ELF4: variants seen among roughly 807,000 people sequenced by gnomAD.
The protein encoded by ELF4 is E74 like ETS transcription factor 4.
Under a neutral mutation model 31.7 loss-of-function variants are expected in ELF4, and 10 were observed. That is an observed-to-expected ratio of 0.32 (90% CI 0.19 to 0.54). The LOEUF is 0.54. Ranked by LOEUF, ELF4 falls within the 20% of genes least tolerant of loss-of-function variation. The pLI, the probability that ELF4 is intolerant of heterozygous loss-of-function variation, is 0.95. For missense variants in ELF4, 418 were observed against 522.0 expected, an observed-to-expected ratio of 0.80 and a Z score of 1.94; for synonymous variants, 208 against 226.7, an observed-to-expected ratio of 0.92 and a Z score of 0.74.
chrX:130,094,825 G>A (rs1933123178), intron 1 of ELF4, among the ~76,000 whole-genome samples: 1 of 111,729 alleles, frequency 9.0e-6, no homozygotes, highest in Admixed American at 9.5e-5. Flanking sequence ...TACATCTGCA[G>A]CACAAACCCA....
chrX:130,103,384 A>G (rs917075168), intron 1 of ELF4, among the ~76,000 whole-genome samples: 3 of 112,685 alleles, frequency 2.7e-5, no homozygotes, highest in African/African-American at 9.7e-5. Context: ...AGATTTGAAC[A>G]GACACCTCAA....
At chrX:130,095,948 A>T (rs1466496541) in intron 1 of ELF4, among the ~76,000 whole-genome samples, 1 of 111,450 alleles carries the variant, frequency 9.0e-6, no homozygotes, top group Non-Finnish European at 1.9e-5. Context: ...GGGCCAGGGG[A>T]CTAATCACGG....
chrX:130,078,916 G>A (rs1344296698), intron 2 of ELF4, among the ~76,000 whole-genome samples: 2 of 110,163 alleles, frequency 1.8e-5, no homozygotes, highest in Non-Finnish European at 3.8e-5. Context: ...CCATGATTGT[G>A]CCACTGCACT....
At chrX:130,088,028 T>A (rs771791478) in intron 1 of ELF4, among the ~76,000 whole-genome samples, 1 of 110,863 alleles carries the variant, frequency 9.0e-6, no homozygotes, top group Non-Finnish European at 1.9e-5. Flanking sequence ...GAACTTAATA[T>A]GGAAAGCGAC....
chrX:130,072,228 C>T lies in ELF4; in HGVS notation c.530G>A (p.Arg177Lys), dbSNP rs747352505. 54 of 1,199,485 alleles carry T rather than the reference C, an allele frequency of 4.5e-5. 1 individual carries two copies. The East Asian group carries it at 1.5e-3, about 33-fold the overall frequency. The change falls in exon 5 of 9, where the codon AGA becomes AAA. Residue 177 changes from arginine to lysine, a missense_variant and splice_region_variant. By Grantham distance (26) the Arg-to-Lys change is conservative (BLOSUM62 2). This residue lies in a region of ELF4 where 88 missense variants were observed against 92.4 expected (regional missense o/e 0.95). Transcript: ENST00000308167. ...SAKKTGKSKK[R>K]IRKTKGNRST... ...TACACTCACTCTCCCCCACTTACTT[C>T]TCTTCTTTGATTTCCCAGTCTTCTT...
chrX:130,102,954 G>C (rs1165575256), intron 1 of ELF4, among the ~76,000 whole-genome samples: 2 of 46,995 alleles, frequency 4.3e-5, no homozygotes, highest in African/African-American at 1.4e-4. Context: ...AAGGAAGGAA[G>C]GGAGGGAGGA....
chrX:130,093,722 C>G (rs750038047), intron 1 of ELF4, among the ~76,000 whole-genome samples: 1 of 111,896 alleles, frequency 8.9e-6, no homozygotes, highest in Admixed American at 9.5e-5. Context: ...TCGGGGGCCT[C>G]GTGGTGGATG....
intron 8 of ELF4, among the ~76,000 whole-genome samples, chrX:130,068,571 T>A (rs1204215139): frequency 1.8e-5 from 2 of 111,113 alleles, no homozygotes; most frequent in Non-Finnish European, 3.8e-5. Context: ...TAGTGGGAGG[T>A]CCAAACACAT....
intron 1 of ELF4, among the ~76,000 whole-genome samples, chrX:130,106,661 C>A (rs766268815): frequency 8.9e-4 from 100 of 112,025 alleles, no homozygotes; most frequent in African/African-American, 3.1e-3. Context: ...TTTCCTTTCT[C>A]CCCTGCAGAA....
chrX:130,100,632 C>CTAT (rs1933236715), intron 1 of ELF4, among the ~76,000 whole-genome samples: 1 of 111,815 alleles, frequency 8.9e-6, no homozygotes, highest in African/African-American at 3.3e-5. Context: ...TGGTTGTACC[C>CTAT]TCATAATTAC....
intron 1 of ELF4, among the ~76,000 whole-genome samples, chrX:130,086,379 G>T (rs979120872): frequency 8.9e-6 from 1 of 111,813 alleles, no homozygotes; most frequent in African/African-American, 3.3e-5. Context: ...TACAGCCCCC[G>T]CTCTCACACC....
chrX:130,091,775 G>A (rs28437117), intron 1 of ELF4, among the ~76,000 whole-genome samples: 175 of 111,738 alleles, frequency 1.6e-3, no homozygotes, highest in Non-Finnish European at 2.7e-3. Context: ...TGTGTGCCTC[G>A]GTTACCTCAT....
At chrX:130,075,205 G>T (rs1379289390) in intron 2 of ELF4, among the ~76,000 whole-genome samples, 1 of 110,506 alleles carries the variant, frequency 9.0e-6, no homozygotes. Flanking sequence ...CTGACCTCAG[G>T]TGATCCACCT....
chrX:130,106,384 T>G (rs1933380233), intron 1 of ELF4, among the ~76,000 whole-genome samples: 1 of 111,511 alleles, frequency 9.0e-6, no homozygotes, highest in South Asian at 3.7e-4. Context: ...GCGCCTAGCA[T>G]CGGTTGGGCA....
intron 2 of ELF4, among the ~76,000 whole-genome samples, chrX:130,078,014 G>C (rs1305241662): frequency 9.0e-6 from 1 of 110,557 alleles, no homozygotes; most frequent in African/African-American, 3.3e-5. Flanking sequence ...GGGGCTGGGT[G>C]CGGTGCCTCA....
rs1932697091 is a variant in ELF4, at chrX:130,067,168, C to A, written c.1545G>T (p.Gln515His). 8.3e-7 allele frequency: 1 copy of A among 1,203,151 alleles called. No individual in the cohort carries two copies. Among genetic ancestry groups the A allele is most frequent in the Non-Finnish European group, 1.1e-6 (1 of 890,946 alleles). The change falls in exon 9 of 9, where the codon CAG (glutamine) becomes CAT (histidine). Residue 515 changes from glutamine (Q) to histidine (H), a missense_variant. Physicochemically the swap from Gln to His is conservative, Grantham distance 24 (BLOSUM62 0). Coordinates refer to ENST00000308167, the MANE Select transcript of ELF4 (RefSeq NM_001421.4). Reference protein sequence around the residue: ...TGAGPAGPSSQPPGTVIAAFI... With the variant: ...TGAGPAGPSSHPPGTVIAAFI... The stretch of plus-strand genomic sequence containing the variant: ...AGGCAGCAATGACAGTCCCAGGGGG[C>A]TGAGAGCTGGGCCCTGCTGGTCCAG...
Position 130,067,474 on chromosome X carries a change from C to T in ELF4, c.1239G>A (p.Ser413=), listed in dbSNP as rs1315093852. The T allele has an allele frequency of 5.8e-6, 7 of 1,210,181 alleles. No homozygotes were observed. Among genetic ancestry groups the T allele is most frequent in the African/African-American group, 1.7e-5 (1 of 57,185 alleles). The change falls in exon 9 of 9, where the codon TCG becomes TCA. Residue 413 remains serine (S), a synonymous_variant. Coordinates refer to ENST00000308167, the MANE Select transcript of ELF4 (RefSeq NM_001421.4). ...TCGTCTGCAGGGTCAGGGCCGAGCC[C>T]GACCCCACGGGGGCCACTCCTAGGT... ...NIHLGVAPVG[S]GSALTLQTIP... is the part of the protein sequence containing the mutation.
intron 1 of ELF4, among the ~76,000 whole-genome samples, chrX:130,091,971 T>C (rs999439971): frequency 4.5e-5 from 5 of 112,049 alleles, no homozygotes; most frequent in Non-Finnish European, 9.4e-5. Context: ...GCTGCCCCCA[T>C]GGGCCTCCCT....
At chrX:130,105,896 G>GTT (rs1933370618) in intron 1 of ELF4, among the ~76,000 whole-genome samples, 1 of 88,662 alleles carries the variant, frequency 1.1e-5, no homozygotes, top group Non-Finnish European at 2.2e-5. Context: ...GTGTGTGTGT[G>GTT]TGTGTCTGGT....
Sources: allele counts gnomAD v4.1 joint callset (sites outside exome capture counted in the v4.1 genomes callset), GRCh38; gene constraint gnomAD v4.1.1; regional missense constraint gnomAD v4.1.1; transcripts MANE v1.5; gene names NCBI Gene and HGNC (gene_info 2026-07-23, HGNC 2026-07-21).